Variants in HERC2 observed in about 807,000 individuals in gnomAD.
The protein encoded by HERC2 is E3 ubiquitin-protein ligase HERC2.
In HERC2, 102 loss-of-function variants were observed where a neutral mutation model predicts 537.7. The ratio of observed to expected loss-of-function variants is 0.19; its 90% confidence interval spans 0.16 to 0.22. HERC2 has a LOEUF of 0.22. HERC2 is among the 10% of genes least tolerant of loss of function. The probability of loss-of-function intolerance (pLI) is 1.00; values close to 1 mark genes in which losing one functional copy is unlikely to be tolerated. For synonymous variants in HERC2, 2,224 were observed against 2,466.2 expected (o/e 0.90, Z 2.91); for missense variants, 4,236 against 6,198.2 (o/e 0.68, Z 10.63).
At chr15:28,161,169 T>C (rs780341110) in intron 69 of HERC2, among the ~76,000 whole-genome samples, 2 of 152,244 alleles carry the variant, frequency 1.3e-5, no homozygotes, top group Non-Finnish European at 2.9e-5. Context: ...GTTTTGGTGA[T>C]CATGTAAGTT....
At chr15:28,146,389 G>C in intron 70 of HERC2, 45 bp from the exon 71 acceptor site, 1 of 1,305,566 alleles carries the variant, frequency 7.7e-7, no homozygotes, top group Non-Finnish European at 1.1e-6. Flanking sequence ...CTCCAGATCA[G>C]CACCCAAAGT....
chr15:28,315,760 G>C (rs2077065702), intron 2 of HERC2: 15 of 1,429,490 alleles, frequency 1.0e-5, no homozygotes, highest in Non-Finnish European at 1.4e-5. Context: ...ATGAGGCAGA[G>C]GTCCAAGTAA....
chr15:28,248,740 T>A lies in HERC2; in HGVS notation c.3051-4A>T. On this transcript the variant is annotated splice_region_variant and splice_polypyrimidine_tract_variant and intron_variant, in intron 20 of 92. Transcript: ENST00000261609. ...TACAGTCTGAGAAGCAATGTTTCTA[T>A]ACAGGAAAGAAGAGGATTACAAAAT... is the stretch of plus-strand genomic sequence containing the variant. 1 of 1,608,884 alleles carries A rather than the reference T, an allele frequency of 6.2e-7. No homozygotes were observed. The highest frequency in any genetic ancestry group is 2.2e-5 in the East Asian group (1 of 44,804).
intron 45 of HERC2, chr15:28,203,717 G>C (rs1035898742): frequency 6.6e-6 from 1 of 152,008 alleles, no homozygotes; most frequent in African/African-American, 2.4e-5. Flanking sequence ...ACCAGAATGC[G>C]AGGGAAAGCC....
chr15:28,295,306 TGTG>T (rs1359683726), intron 3 of HERC2, among the ~76,000 whole-genome samples: 2 of 864 alleles, frequency 2.3e-3, no homozygotes, highest in Non-Finnish European at 0.011. Flanking sequence ...CCTACATGTG[TGTG>T]GGGGGGGGGG....
At position 28,214,258 on chromosome 15, in the gene HERC2, G is replaced by A. The variant is rs373696705; in HGVS notation, c.6373C>T (p.Arg2125Trp). The A allele has an allele frequency of 7.4e-5, 119 of 1,611,318 alleles. No individual in the cohort carries two copies. The highest frequency in any genetic ancestry group is 6.8e-4 in the African/African-American group (51 of 74,984). ...VPLLRESTLR[R>W]RRVRPQASLT... Reference sequence around the variant, plus strand: ...GAGGCCTGCGGGCGCACCCTGCGCCGCCTCAGCGTGGACTCTGAGGAGGAA... The same window carrying A: ...GAGGCCTGCGGGCGCACCCTGCGCCACCTCAGCGTGGACTCTGAGGAGGAA... The change falls in exon 41 of 93, where the codon CGG (arginine) becomes TGG (tryptophan). Residue 2125 changes from arginine to tryptophan, a missense_variant. Arg to Trp is a moderately radical substitution (Grantham distance 101). Around this residue, in one of 27 missense-constraint regions of HERC2, gnomAD observed 365 missense variants for 468.8 expected, o/e 0.78. Coordinates refer to ENST00000261609, the MANE Select transcript of HERC2 (RefSeq NM_004667.6).
Position 28,201,437 on chromosome 15 carries a change from G to A in HERC2, c.7716+19C>T. On this transcript the variant is annotated intron_variant, in intron 48 of 92. Transcript: ENST00000261609. The stretch of plus-strand genomic sequence containing the variant: ...GAATGAAAAACGGATCGAGGCTCCA[G>A]CTTAAGACAATTACTCACCTGAATA... 6.8e-7 allele frequency: 1 copy of A among 1,460,128 alleles called. No homozygotes were observed. Among genetic ancestry groups the A allele is most frequent in the African/African-American group, 1.4e-5 (1 of 71,854 alleles). The allele number at this position is 1,460,128 out of a possible 1,614,324, so 90.4% of individuals were successfully genotyped here. A position where few individuals can be genotyped will look rare whatever the true frequency, so the allele number is the denominator to read the frequency against.
At chr15:28,264,947 G>T (rs1258304405) in intron 14 of HERC2, among the ~76,000 whole-genome samples, 1 of 152,100 alleles carries the variant, frequency 6.6e-6, no homozygotes, top group Admixed American at 6.6e-5. Context: ...TATCTAAAAT[G>T]ATTTTTCATC....
intron 79 of HERC2, among the ~76,000 whole-genome samples, chr15:28,134,700 C>T (rs1890437589): frequency 2.6e-5 from 3 of 114,726 alleles, no homozygotes; most frequent in South Asian, 5.8e-4. Flanking sequence ...ATTATTTTTT[C>T]CTCTTTTTTT....
chr15:28,130,162 C>G lies in HERC2; in HGVS notation c.12802+1G>C. On this transcript the variant is annotated splice_donor_variant, in intron 83 of 92. Transcript: ENST00000261609. LOFTEE classifies it high-confidence loss of function. ...TCCTGCGGCACTGAGCCCCTACCTA[C>G]CATCCTCTGTGCAGCACACACAGTG... The G allele has an allele frequency of 6.2e-7, 1 of 1,614,144 alleles. No homozygotes were observed. Among genetic ancestry groups the G allele is most frequent in the Non-Finnish European group, 8.5e-7 (1 of 1,179,996 alleles).
intron 35 of HERC2, among the ~76,000 whole-genome samples, chr15:28,224,655 G>C (rs1900919337): frequency 1.3e-5 from 2 of 152,126 alleles, no homozygotes; most frequent in South Asian, 2.1e-4. Flanking sequence ...AAACCAATCA[G>C]ATCTAATAGA....
rs1405840283 is a variant in HERC2 at position 28,233,669 on chromosome 15, T to A, written c.4346A>T (p.Asp1449Val). 1 of 1,613,960 alleles carries A rather than the reference T, an allele frequency of 6.2e-7. No individual in the cohort carries two copies. The highest frequency in any genetic ancestry group is 8.5e-7 in the Non-Finnish European group (1 of 1,179,844). ...LLLCCLLKHE[D>V]LGHVALSLVH... ...ACAGATATCGAGCTCCTTACCTAAA[T>A]CTTCATGTTTTAAGAGGCAACATAA... Residue 1449 changes from aspartate to valine, a missense_variant, in exon 28 of 93, where the codon GAT (aspartate) becomes GTT (valine). Transcript: ENST00000261609.
chr15:28,293,160 A>C, intron 3 of HERC2, 138 bp from the exon 4 acceptor site: 1 of 728,016 alleles, frequency 1.4e-6, no homozygotes, highest in African/African-American at 1.8e-5. Context: ...AAAATACATC[A>C]ATCATACCTG....
chr15:28,246,647 G>T, intron 22 of HERC2, 95 bp downstream of exon 22: 1 of 1,089,504 alleles, frequency 9.2e-7, no homozygotes, highest in Non-Finnish European at 1.3e-6. Flanking sequence ...AAAATTTAGA[G>T]AGTAAATGCA....
rs554985832 is a variant in HERC2, at chr15:28,237,178, G to A, written c.3853-65C>T. The A allele has an allele frequency of 1.5e-4, 227 of 1,475,160 alleles. 1 individual carries two copies. In the South Asian group the frequency reaches 2.4e-3, roughly 15 times the overall value. 91.4% of individuals were successfully genotyped at this position (1,475,160 alleles called of 1,614,324 possible). Reference sequence around the variant, plus strand: ...ATTAATTAAAAACATAAAACCAAAAGGACAGCTCTCTCCTGCAGCTGTAAC... The same window carrying A: ...ATTAATTAAAAACATAAAACCAAAAAGACAGCTCTCTCCTGCAGCTGTAAC... On this transcript the variant is annotated intron_variant, in intron 25 of 92. Coordinates refer to ENST00000261609, the MANE Select transcript of HERC2 (RefSeq NM_004667.6).
At chr15:28,208,255 A>G (rs976552878) in intron 44 of HERC2, among the ~76,000 whole-genome samples, 15 of 152,154 alleles carry the variant, frequency 9.9e-5, no homozygotes, top group African/African-American at 3.4e-4. Context: ...CTGGACTTGC[A>G]TATTTTTTTC....
At chr15:28,142,757 A>T in intron 75 of HERC2, 70 bp downstream of exon 75, 2 of 1,519,888 alleles carry the variant, frequency 1.3e-6, no homozygotes, top group Non-Finnish European at 1.8e-6. Context: ...CACACTGCAC[A>T]TGACAACTCT....
In HERC2 at chr15:28,228,385, G is replaced by C; in HGVS notation, c.5297C>G (p.Thr1766Ser). ...TCCTGACGGGTTCTCATTGGTGATG[G>C]TTTGCAGGGGAACCGGCTGGATACC... ...ELGIQPVPLQTITNENPSGPS... is the reference protein window; with the variant it reads ...ELGIQPVPLQSITNENPSGPS... Residue 1766 changes from threonine (T) to serine (S), a missense_variant, in exon 35 of 93, where the codon ACC (threonine) becomes AGC (serine). Around this residue, in one of 27 missense-constraint regions of HERC2, gnomAD observed 343 missense variants for 417.2 expected, o/e 0.82. Transcript: ENST00000261609. The C allele has an allele frequency of 6.2e-7, 1 of 1,612,064 alleles. No homozygotes were observed. The highest frequency in any genetic ancestry group is 1.1e-5 in the South Asian group (1 of 90,996).
At chr15:28,304,725 T>TA (rs1555457820) in intron 2 of HERC2, among the ~76,000 whole-genome samples, 12 of 145,482 alleles carry the variant, frequency 8.2e-5, no homozygotes, top group African/African-American at 3.2e-4. Context: ...TTTTTTTTTT[T>TA]ATACTTTAAG....
Sources: allele counts gnomAD v4.1 joint callset (sites outside exome capture counted in the v4.1 genomes callset), GRCh38; gene constraint gnomAD v4.1.1; regional missense constraint gnomAD v4.1.1; transcripts MANE v1.5; gene names NCBI Gene and HGNC (gene_info 2026-07-23, HGNC 2026-07-21).